The following WIPI2 variants were observed in gnomAD, a reference collection of about 807,000 sequenced individuals.
WIPI2 encodes WD repeat domain phosphoinositide-interacting protein 2.
In WIPI2, 28 loss-of-function variants were observed where a neutral mutation model predicts 52.3. The observed-to-expected ratio is 0.54, with a 90% CI of 0.40 to 0.73. WIPI2 has a LOEUF of 0.73. Among genes scored for constraint, WIPI2 ranks in the 30% least tolerant of loss-of-function variants. The pLI is 0.00. For missense variants in WIPI2, 506 were observed against 602.9 expected (o/e 0.84, Z 1.68); for synonymous variants, 268 against 245.0 (o/e 1.09, Z -0.88).
chr7:5,210,526 T>A (rs967459506), intron 3 of WIPI2, among the ~76,000 whole-genome samples: 33 of 152,336 alleles, frequency 2.2e-4, no homozygotes, highest in Middle Eastern at 3.4e-3. Context: ...TGGGCCCACA[T>A]CTCTTTGGCC....
chr7:5,228,100 C>T lies in WIPI2; in HGVS notation c.1014-4C>T, dbSNP rs767844219. The T allele has an allele frequency of 1.2e-6, 2 of 1,613,710 alleles. No individual in the cohort carries two copies. Among genetic ancestry groups the T allele is most frequent in the Non-Finnish European group, 1.7e-6 (2 of 1,179,828 alleles). ...AGAATTTGGCTGCTCTTTATTCTCC[C>T]TAGAATTCAGAAGATCCCGCGGTTG... On this transcript the variant is annotated splice_region_variant and splice_polypyrimidine_tract_variant and intron_variant, in intron 10 of 12. Transcript: ENST00000288828.
At chr7:5,193,297 G>C in intron 2 of WIPI2, 126 bp downstream of exon 2, 2 of 1,517,906 alleles carry the variant, frequency 1.3e-6, no homozygotes, top group Non-Finnish European at 1.8e-6. Context: ...ATCTGAAATG[G>C]AAATATCAAG....
At chr7:5,194,846 G>A (rs1173900115) in intron 2 of WIPI2, among the ~76,000 whole-genome samples, 3 of 152,156 alleles carry the variant, frequency 2.0e-5, no homozygotes, top group South Asian at 2.1e-4. Context: ...GGAAGCTAGC[G>A]AGTGGTAAAG....
chr7:5,203,477 A>G (rs1782131357), intron 3 of WIPI2, among the ~76,000 whole-genome samples: 1 of 152,192 alleles, frequency 6.6e-6, no homozygotes, highest in African/African-American at 2.4e-5. Flanking sequence ...TCTTTTTTAA[A>G]TCAAGTAATT....
rs933407985 is a variant in WIPI2 at position 5,230,454 on chromosome 7, G to A, written c.1253-381G>A. 2.6e-5 allele frequency among the ~76,000 whole-genome samples: 4 copies of A among 152,208 alleles called. No individual in the cohort carries two copies. The highest frequency in any genetic ancestry group is 4.4e-5 in the Non-Finnish European group (3 of 68,044). On this transcript the variant is annotated intron_variant, in intron 12 of 12. Transcript: ENST00000288828. The surrounding 1 kb of genome is among the most constrained non-coding windows in gnomAD (Gnocchi z 4.8). ...CACCCACGCAGGGCTGTGCCTGCTC[G>A]CTGCCACTCCCATCTGTGAACCGGC... is the stretch of plus-strand genomic sequence containing the variant.
intron 3 of WIPI2, among the ~76,000 whole-genome samples, chr7:5,210,268 T>C (rs1335882845): frequency 6.6e-6 from 1 of 152,212 alleles, no homozygotes. Flanking sequence ...TTCTCTTTCA[T>C]GTTTCAGCCA....
At chr7:5,205,155 T>C (rs1393010381) in intron 3 of WIPI2, among the ~76,000 whole-genome samples, 1 of 152,182 alleles carries the variant, frequency 6.6e-6, no homozygotes, top group Non-Finnish European at 1.5e-5. Context: ...TTTGTATTTT[T>C]AGTAGAGACG....
rs1783807177 is a variant in WIPI2, at chr7:5,233,090, C to T, written c.*2143C>T. 1 of 152,274 alleles carries T rather than the reference C, an allele frequency of 6.6e-6. No homozygotes were observed. The highest frequency in any genetic ancestry group is 2.4e-5 in the African/African-American group (1 of 41,450). The allele number at this position is 152,274 out of a possible 1,614,324, so 9.4% of individuals were successfully genotyped here. ...GCGTTCCCTGCAGACCACGGGAAGC[C>T]CTGTGCTTGCCTGGGTCAGGGCTAA... On this transcript the variant is annotated 3_prime_UTR_variant, in exon 13 of 13. Coordinates refer to ENST00000288828, the MANE Select transcript of WIPI2 (RefSeq NM_015610.4).
rs775250744 is a variant in WIPI2, at chr7:5,230,922, C to T, written c.1340C>T (p.Pro447Leu). The change falls in exon 13 of 13, where the codon CCG becomes CTG. Residue 447 changes from proline (P) to leucine (L), a missense_variant. By Grantham distance (98) the Pro-to-Leu change is moderately conservative. Transcript: ENST00000288828. The surrounding 1 kb of genome is among the most constrained non-coding windows in gnomAD (Gnocchi z 4.8). ...ALRLDEDSEH[P>L]PMILRTD Reference sequence around the variant, plus strand: ...CGCCTGGATGAGGACAGCGAGCACCCGCCCATGATTCTTCGGACTGACTGA... The same window carrying T: ...CGCCTGGATGAGGACAGCGAGCACCTGCCCATGATTCTTCGGACTGACTGA... 8 of 1,613,116 alleles carry T rather than the reference C, an allele frequency of 5.0e-6. No individual in the cohort carries two copies. Among genetic ancestry groups the T allele is most frequent in the African/African-American group, 1.3e-5 (1 of 74,864 alleles).
chr7:5,218,339 C>G (rs1234475012), intron 7 of WIPI2: 3 of 235,864 alleles, frequency 1.3e-5, no homozygotes, highest in African/African-American at 6.8e-5. Context: ...AGTAAAGAAC[C>G]CAGACAGTGA....
At chr7:5,197,118 CAAA>C (rs869261081) in intron 2 of WIPI2, among the ~76,000 whole-genome samples, 1 of 41,452 alleles carries the variant, frequency 2.4e-5, no homozygotes, top group African/African-American at 7.6e-5. Flanking sequence ...TCTCAAAAAA[CAAA>C]AAAAAAAAAA....
chr7:5,227,136 C>T lies in WIPI2; in HGVS notation c.849-44C>T, dbSNP rs1037397124. 15 of 1,610,964 alleles carry T rather than the reference C, an allele frequency of 9.3e-6. No homozygotes were observed. The East Asian group carries it at 3.3e-4, about 36-fold the overall frequency. On this transcript the variant is annotated intron_variant, in intron 9 of 12. Transcript: ENST00000288828. The surrounding 1 kb of genome is among the most constrained non-coding windows in gnomAD (Gnocchi z 8.1). The stretch of plus-strand genomic sequence containing the variant: ...TGTGAGTAGGGGGTGGCCGTCCCCC[C>T]AGGGAGGGTGCAGCTTCATGTGTCT...
In WIPI2 at chr7:5,232,621, C is replaced by T. The variant is rs533390918; in HGVS notation, c.*1674C>T. Reference sequence around the variant, plus strand: ...GCTTGAGCAGGGATGAGAAGGGCCGCGGCAGCACGCAGCCTTGACCCACGC... The same window carrying T: ...GCTTGAGCAGGGATGAGAAGGGCCGTGGCAGCACGCAGCCTTGACCCACGC... On this transcript the variant is annotated 3_prime_UTR_variant, in exon 13 of 13. Transcript: ENST00000288828. 17 of 286,314 alleles carry T rather than the reference C, an allele frequency of 5.9e-5. No homozygotes were observed. Among genetic ancestry groups the T allele is most frequent in the Admixed American group, 3.1e-4 (6 of 19,128 alleles). 17.7% of individuals were successfully genotyped at this position (286,314 alleles called of 1,614,324 possible).
At chr7:5,190,641 G>A in intron 1 of WIPI2, 148 bp downstream of exon 1, 2 of 726,770 alleles carry the variant, frequency 2.8e-6, no homozygotes, top group Non-Finnish European at 3.9e-6. Context: ...GGGCGGGCCC[G>A]GGGCGTGCAG....
chr7:5,197,831 G>A (rs552829049), intron 2 of WIPI2, among the ~76,000 whole-genome samples: 1 of 152,256 alleles, frequency 6.6e-6, no homozygotes, highest in Non-Finnish European at 1.5e-5. Flanking sequence ...TCTCCCAGAT[G>A]TTAAAAGTGA....
intron 6 of WIPI2, 114 bp downstream of exon 6, chr7:5,217,301 T>G (rs1562400090): frequency 9.1e-7 from 1 of 1,104,740 alleles, no homozygotes. Context: ...CGCTGCACTT[T>G]TTTGTTTGTT....
intron 3 of WIPI2, among the ~76,000 whole-genome samples, chr7:5,203,358 C>CA (rs1782124263): frequency 6.6e-6 from 1 of 152,226 alleles, no homozygotes. Context: ...CGCAGACACA[C>CA]ACGGAAGTGG....
intron 8 of WIPI2, among the ~76,000 whole-genome samples, chr7:5,224,283 T>A (rs1292039910): frequency 2.0e-5 from 3 of 152,192 alleles, no homozygotes; most frequent in African/African-American, 7.2e-5. Flanking sequence ...CCAAGTCGAG[T>A]GTCGCCCTCG....
At chr7:5,211,158 A>G (rs909581862) in intron 3 of WIPI2, among the ~76,000 whole-genome samples, 13 of 152,198 alleles carry the variant, frequency 8.5e-5, no homozygotes, top group African/African-American at 3.1e-4. Flanking sequence ...AGCCAGGAAC[A>G]TGTGCATCAT....
Sources: allele counts gnomAD v4.1 joint callset (sites outside exome capture counted in the v4.1 genomes callset), GRCh38; gene constraint gnomAD v4.1.1; non-coding constraint Gnocchi (gnomAD v3.1); transcripts MANE v1.5; gene names NCBI Gene and HGNC (gene_info 2026-07-23, HGNC 2026-07-21).